The following DPF2 variants were observed in gnomAD, a reference collection of about 807,000 sequenced individuals.
DPF2 encodes the protein double PHD fingers 2.
Under a neutral mutation model 59.6 loss-of-function variants are expected in DPF2, and 10 were observed. That is an observed-to-expected ratio of 0.17 (90% CI 0.10 to 0.28). The LOEUF (loss-of-function observed/expected upper bound fraction) is 0.28, where lower values mean the gene tolerates loss of function less well. Ranked by LOEUF, DPF2 falls within the 10% of genes least tolerant of loss-of-function variation. The pLI is 1.00. For missense variants in DPF2, 315 were observed against 509.4 expected (o/e 0.62, Z 3.67); for synonymous variants, 189 against 190.6 (o/e 0.99, Z 0.07).
In DPF2 at chr11:65,354,103, A is replaced by T. The variant is rs762948976; in HGVS notation, c.*2344A>T. Among the ~76,000 whole-genome samples, 3 of 152,150 alleles carry T rather than the reference A, an allele frequency of 2.0e-5. No homozygotes were observed. The highest frequency in any genetic ancestry group is 4.4e-5 in the Non-Finnish European group (3 of 68,024). ...GCAGAGGATGCGGAGCTGTGAGCGG[A>T]GGGAGCAGCGAGGCTGGAGAGCAGC... On this transcript the variant is annotated 3_prime_UTR_variant, in exon 11 of 11. Coordinates refer to ENST00000528416, the MANE Select transcript of DPF2 (RefSeq NM_006268.5).
intron 2 of DPF2, 127 bp from the exon 3 acceptor site, chr11:65,340,839 G>A: frequency 1.0e-6 from 1 of 966,620 alleles, no homozygotes; most frequent in Non-Finnish European, 1.5e-6. Flanking sequence ...TAACCCCCTA[G>A]GCCCTCACTG....
At chr11:65,334,028 C>A in intron 1 of DPF2, 110 bp downstream of exon 1, 1 of 1,483,218 alleles carries the variant, frequency 6.7e-7, no homozygotes, top group Admixed American at 2.0e-5. Flanking sequence ...CCCGGGAAAG[C>A]CATGTTGCGA....
At chr11:65,348,611 GAAAAAAAAA>G (rs56032535) in intron 9 of DPF2, 2 of 239,886 alleles carry the variant, frequency 8.3e-6, no homozygotes, top group South Asian at 1.7e-4. Context: ...GGGCTTTAGG[GAAAAAAAAA>G]AAAAAAAAAA....
rs771737050 is a variant in DPF2, at chr11:65,353,713, C to CT, written c.*1960dup. Among the ~76,000 whole-genome samples, 1 of 152,162 alleles carries CT rather than the reference C, an allele frequency of 6.6e-6. No homozygotes were observed. The highest frequency in any genetic ancestry group is 1.5e-5 in the Non-Finnish European group (1 of 68,028). On this transcript the variant is annotated 3_prime_UTR_variant, in exon 11 of 11. Transcript: ENST00000528416. ...GCAGTTATGGGCCCCCTGAAGTATC[C>CT]TTTTTTCTAGAACATTCTGAAAGTC...
chr11:65,337,364 G>GAGGCAGAAGCTGCAGT (rs200300435), intron 1 of DPF2, among the ~76,000 whole-genome samples: 4 of 148,208 alleles, frequency 2.7e-5, no homozygotes, highest in Non-Finnish European at 5.9e-5. Flanking sequence ...TGGAACCCGG[G>GAGGCAGAAGCTGCAGT]AGGCAGAAGC....
chr11:65,339,178 C>T (rs1235062467), intron 1 of DPF2, among the ~76,000 whole-genome samples: 2 of 151,178 alleles, frequency 1.3e-5, no homozygotes, highest in Non-Finnish European at 2.9e-5. Context: ...GAGGCTAAGG[C>T]AGGAGGATCA....
intron 1 of DPF2, among the ~76,000 whole-genome samples, chr11:65,335,715 G>T (rs1950085881): frequency 6.6e-6 from 1 of 152,286 alleles, no homozygotes; most frequent in African/African-American, 2.4e-5. Context: ...AGTTCATTTG[G>T]AGATATGGCA....
chr11:65,334,063 G>C lies in DPF2; in HGVS notation c.32+145G>C, dbSNP rs931615604. ...ACTCCTGGTGGGGAGGGCAACAGGA[G>C]ACTCCGGAGAAGACGTTGCGCTTCT... is the stretch of plus-strand genomic sequence containing the variant. On this transcript the variant is annotated intron_variant, in intron 1 of 10. Transcript: ENST00000528416. The C allele has an allele frequency of 2.5e-4, 297 of 1,194,090 alleles. 1 individual carries two copies. The highest frequency in any genetic ancestry group is 3.0e-4 in the Non-Finnish European group (256 of 845,252). The allele number at this position is 1,194,090 out of a possible 1,614,324, so 74.0% of individuals were successfully genotyped here.
At chr11:65,345,003 C>G in intron 6 of DPF2, 1 of 262,072 alleles carries the variant, frequency 3.8e-6, no homozygotes, top group Non-Finnish European at 7.2e-6. Context: ...CCTGCTGGCC[C>G]CCTTGCCCTT....
intron 1 of DPF2, among the ~76,000 whole-genome samples, chr11:65,337,335 C>A (rs1854191520): frequency 6.7e-6 from 1 of 149,314 alleles, no homozygotes; most frequent in African/African-American, 2.5e-5. Flanking sequence ...CACTCGGGAG[C>A]CTGAGGCAAG....
intron 6 of DPF2, chr11:65,344,541 C>G: frequency 6.5e-7 from 1 of 1,533,606 alleles, no homozygotes; most frequent in South Asian, 1.2e-5. Context: ...TCAAGTGTAT[C>G]AAGGCCTTCT....
At position 65,341,545 on chromosome 11, in the gene DPF2, A is replaced by C. The variant is rs1281135710; in HGVS notation, c.448A>C (p.Asn150His). The C allele has an allele frequency of 1.9e-6, 3 of 1,614,136 alleles. No individual in the cohort carries two copies. The highest frequency in any genetic ancestry group is 2.2e-5 in the South Asian group (2 of 91,078). ...CAGCCTGGGCGAGTTTCCTGTGACCAACAGTCGAGCGCGAAAGGTACAGGA... is the reference window on the plus strand; with the variant it reads ...CAGCCTGGGCGAGTTTCCTGTGACCCACAGTCGAGCGCGAAAGGTACAGGA... ...DDSLGEFPVT[N>H]SRARKRILEP... The change falls in exon 4 of 11, where the codon AAC (asparagine) becomes CAC (histidine). Residue 150 changes from asparagine (N) to histidine (H), a missense_variant. By Grantham distance (68) the Asn-to-His change is moderately conservative. This residue lies in a region of DPF2 where 228 missense variants were observed against 275.3 expected (regional missense o/e 0.83). Coordinates refer to ENST00000528416, the MANE Select transcript of DPF2 (RefSeq NM_006268.5).
intron 6 of DPF2, 160 bp from the exon 7 acceptor site, chr11:65,345,506 G>A: frequency 1.0e-6 from 1 of 991,384 alleles, no homozygotes; most frequent in East Asian, 2.5e-5. Flanking sequence ...GCTCCTGGCT[G>A]AGGGGAAGTG....
At chr11:65,344,803 A>G in intron 6 of DPF2, 1 of 670,356 alleles carries the variant, frequency 1.5e-6, no homozygotes, top group Non-Finnish European at 2.5e-6. Flanking sequence ...TGCCTTTACC[A>G]CTGCTTGTTT....
intron 2 of DPF2, 113 bp downstream of exon 2, chr11:65,340,658 G>A: frequency 1.4e-6 from 2 of 1,406,950 alleles, no homozygotes; most frequent in Non-Finnish European, 1.9e-6. Context: ...TCCACCTATG[G>A]ATGAATATGG....
intron 9 of DPF2, chr11:65,347,171 C>T (rs1241196093): frequency 6.6e-6 from 1 of 151,484 alleles, no homozygotes; most frequent in Non-Finnish European, 1.5e-5. Flanking sequence ...CGTGCCACCA[C>T]ACCCGGCTAA....
intron 6 of DPF2, chr11:65,344,869 C>T (rs1854481373): frequency 1.3e-5 from 7 of 529,696 alleles, no homozygotes. Flanking sequence ...GCTTCAGAAG[C>T]ATTATCAGGA....
At chr11:65,343,956 C>G (rs4647583) in intron 5 of DPF2, 35 bp from the exon 6 acceptor site, 1 of 1,613,712 alleles carries the variant, frequency 6.2e-7, no homozygotes, top group Admixed American at 1.7e-5. Flanking sequence ...GGCCCAGCTA[C>G]CAAAATAAGG....
At position 65,341,522 on chromosome 11, in the gene DPF2, G is replaced by T; in HGVS notation, c.425G>T (p.Ser142Ile). 1.2e-6 allele frequency: 2 copies of T among 1,614,196 alleles called. No homozygotes were observed. Among genetic ancestry groups the T allele is most frequent in the East Asian group, 4.5e-5 (2 of 44,890 alleles). Residue 142 changes from serine to isoleucine, a missense_variant, in exon 4 of 11, where the codon AGC (serine) becomes ATC (isoleucine). Coordinates refer to ENST00000528416, the MANE Select transcript of DPF2 (RefSeq NM_006268.5). ...CCGGATCCCCGAGTTGATGATGACA[G>T]CCTGGGCGAGTTTCCTGTGACCAAC... ...GAPDPRVDDD[S>I]LGEFPVTNSR...
Sources: gnomAD v4.1 joint callset for allele counts (sites outside exome capture counted in the v4.1 genomes callset) on GRCh38, gnomAD v4.1.1 for gene constraint, gnomAD v4.1.1 regional missense constraint, MANE v1.5 for transcripts, NCBI Gene and HGNC (gene_info 2026-07-23, HGNC 2026-07-21) for gene names.